Variants in MRM1 observed in about 807,000 individuals in gnomAD.
MRM1 encodes the protein rRNA methyltransferase 1, mitochondrial.
A neutral mutation model predicts 25.0 loss-of-function variants in MRM1; 24 were observed. That is an observed-to-expected ratio of 0.96 (90% CI 0.69 to 1.35). The LOEUF is 1.35. MRM1 is among the 40% of genes most tolerant of loss of function. The probability of loss-of-function intolerance (pLI) is 0.00; values close to 1 mark genes in which losing one functional copy is unlikely to be tolerated. For missense variants in MRM1, 431 were observed against 464.1 expected (o/e 0.93, Z 0.65); for synonymous variants, 188 against 199.2 (o/e 0.94, Z 0.47).
the MRM1 span, among the ~76,000 whole-genome samples, chr17:36,617,536 G>T: frequency 6.6e-6 from 1 of 151,822 alleles, no homozygotes; most frequent in African/African-American, 2.4e-5. Flanking sequence ...GGGATTACAG[G>T]CTCCCACCAC....
At chr17:36,629,262 C>T in the MRM1 span, among the ~76,000 whole-genome samples, 22 of 152,200 alleles carry the variant, frequency 1.4e-4, no homozygotes, top group African/African-American at 5.3e-4. Flanking sequence ...GGACTGCCCT[C>T]GCTGGATTCT....
the MRM1 span, among the ~76,000 whole-genome samples, chr17:36,623,336 C>T: frequency 6.6e-6 from 1 of 152,142 alleles, no homozygotes; most frequent in East Asian, 1.9e-4. Flanking sequence ...ATTAGGGGAG[C>T]GTGTGCAAAC....
downstream of MRM1, among the ~76,000 whole-genome samples, chr17:36,611,176 T>C (rs895853949): frequency 3.9e-5 from 6 of 152,208 alleles, no homozygotes; most frequent in Non-Finnish European, 8.8e-5. Context: ...TCAGTGGCCT[T>C]TGAGCCACTC....
downstream of MRM1, among the ~76,000 whole-genome samples, chr17:36,610,110 T>A (rs564621219): frequency 7.3e-5 from 11 of 151,628 alleles, no homozygotes; most frequent in African/African-American, 2.2e-4. Flanking sequence ...TTTTTTTTGG[T>A]AGAGATGGGG....
rs372015257 is a variant in MRM1, at chr17:36,601,794, C to T, written c.-17C>T. 6.6e-6 allele frequency: 10 copies of T among 1,521,848 alleles called. No homozygotes were observed. The African/African-American group carries it at 6.9e-5, about 10-fold the overall frequency. The allele number at this position is 1,521,848 out of a possible 1,614,324, so 94.3% of individuals were successfully genotyped here. On this transcript the variant is annotated 5_prime_UTR_variant, in exon 1 of 5. Transcript: ENST00000614766. Reference sequence around the variant, plus strand: ...GGACGCAGCAAGGGGCATCGAGTCCCTGGCGGGAGCTGCGCCATGGCATTG... The same window carrying T: ...GGACGCAGCAAGGGGCATCGAGTCCTTGGCGGGAGCTGCGCCATGGCATTG...
chr17:36,601,865 C>T lies in MRM1; in HGVS notation c.55C>T (p.His19Tyr), dbSNP rs768364919. 5 of 1,603,006 alleles carry T rather than the reference C, an allele frequency of 3.1e-6. No homozygotes were observed. The African/African-American group carries it at 5.3e-5, about 17-fold the overall frequency. Residue 19 changes from histidine to tyrosine, a missense_variant, in exon 1 of 5, where the codon CAT becomes TAT. His to Tyr is a moderately conservative substitution (Grantham distance 83). Transcript: ENST00000614766. The stretch of plus-strand genomic sequence containing the variant: ...GACCTGGGGTCGCCTCGTCACCCGT[C>T]ATTTCTCCCATGCAGCGCGGCATGG... ...GATWGRLVTR[H>Y]FSHAARHGER... is the part of the protein sequence containing the mutation.
the MRM1 span, among the ~76,000 whole-genome samples, chr17:36,624,321 CCTGA>C: frequency 1.3e-5 from 2 of 152,204 alleles, no homozygotes; most frequent in Admixed American, 6.5e-5. The surrounding 1 kb of genome is among the most constrained non-coding windows in gnomAD (Gnocchi z 4.0). Context: ...CAGAAGTCCT[CCTGA>C]CTGTCAGCTG....
chr17:36,620,702 G>T, the MRM1 span, among the ~76,000 whole-genome samples: 1 of 152,212 alleles, frequency 6.6e-6, no homozygotes, highest in African/African-American at 2.4e-5. Context: ...TCAGCCAGCA[G>T]GGTGGGATGG....
At chr17:36,629,375 C>T in the MRM1 span, among the ~76,000 whole-genome samples, 2 of 152,286 alleles carry the variant, frequency 1.3e-5, no homozygotes, top group Admixed American at 1.3e-4. Flanking sequence ...CCTTCTGCAC[C>T]CGGCCACCCC....
chr17:36,617,615 C>T, the MRM1 span, among the ~76,000 whole-genome samples: 3 of 152,100 alleles, frequency 2.0e-5, no homozygotes, highest in Admixed American at 6.5e-5. Context: ...AGGCTGGTCT[C>T]GAACTCCTGA....
rs1316697444 is a variant in MRM1, at chr17:36,607,983, CT to C, written c.855del (p.Gly286AspfsTer5). 2 of 1,614,228 alleles carry C rather than the reference CT, an allele frequency of 1.2e-6. No homozygotes were observed. Among genetic ancestry groups the C allele is most frequent in the East Asian group, 4.5e-5 (2 of 44,874 alleles). The part of the protein sequence containing the change: ...LTILPRRQLP[P>X]GLESLNVSVA... Reference sequence around the variant, plus strand: ...ATCCTGCCCCGGCGCCAGCTGCCTCCTGGACTTGAGTCCTTGAACGTCTCTG... The same window carrying C: ...ATCCTGCCCCGGCGCCAGCTGCCTCCGGACTTGAGTCCTTGAACGTCTCTG... On this transcript the variant is annotated frameshift_variant, in exon 4 of 5. Transcript: ENST00000614766. LOFTEE classifies it low-confidence loss of function (END_TRUNC).
At chr17:36,610,961 G>A (rs940034123), downstream of MRM1, among the ~76,000 whole-genome samples, 5 of 152,084 alleles carry the variant, frequency 3.3e-5, no homozygotes, top group African/African-American at 1.2e-4. Flanking sequence ...TTACAGGTAT[G>A]TGCCACCACA....
chr17:36,602,343 G>A lies in MRM1; in HGVS notation c.533G>A (p.Arg178Gln), dbSNP rs779730840. The change falls in exon 1 of 5, where the codon CGG becomes CAG. Residue 178 changes from arginine to glutamine, a missense_variant. By Grantham distance (43) the Arg-to-Gln change is conservative. Coordinates refer to ENST00000614766, the MANE Select transcript of MRM1 (RefSeq NM_024864.5). The surrounding 1 kb of genome is among the most constrained non-coding windows in gnomAD (Gnocchi z 4.1). ...GGAGTGGATAAGGTCATCACCAGCC[G>A]GAGAAACAGGCACGGACGTCCCTCA... ...FLGVDKVITS[R>Q]RNSCPLTPVV... is the part of the protein sequence containing the mutation. 2 of 1,557,684 alleles carry A rather than the reference G, an allele frequency of 1.3e-6. No individual in the cohort carries two copies. Among genetic ancestry groups the A allele is most frequent in the African/African-American group, 1.4e-5 (1 of 73,206 alleles).
the MRM1 span, among the ~76,000 whole-genome samples, chr17:36,626,797 A>G: frequency 6.6e-6 from 1 of 152,224 alleles, no homozygotes; most frequent in South Asian, 2.1e-4. Context: ...CGTGGCCTGT[A>G]AGGGGAAGGG....
chr17:36,604,552 A>G (rs1363404733), intron 2 of MRM1, among the ~76,000 whole-genome samples: 1 of 152,094 alleles, frequency 6.6e-6, no homozygotes, highest in Non-Finnish European at 1.5e-5. Flanking sequence ...CACGCATGTA[A>G]TCCCAGCACT....
the MRM1 span, among the ~76,000 whole-genome samples, chr17:36,617,761 TC>T: frequency 6.6e-6 from 1 of 152,106 alleles, no homozygotes; most frequent in Non-Finnish European, 1.5e-5. Context: ...CCTTTGCCCT[TC>T]CTAGCCTGGG....
At chr17:36,613,524 A>G (rs2074989468), downstream of MRM1, among the ~76,000 whole-genome samples, 1 of 152,142 alleles carries the variant, frequency 6.6e-6, no homozygotes, top group Non-Finnish European at 1.5e-5. Context: ...CCCCAGCCAG[A>G]ACCCCTCTGC....
chr17:36,616,273 G>C, the MRM1 span, among the ~76,000 whole-genome samples: 49 of 152,324 alleles, frequency 3.2e-4, no homozygotes, highest in African/African-American at 1.1e-3. Context: ...GGCTGGAGGG[G>C]CAGATCCCTG....
At chr17:36,620,082 A>G in the MRM1 span, among the ~76,000 whole-genome samples, 2 of 152,202 alleles carry the variant, frequency 1.3e-5, 1 homozygote, top group African/African-American at 4.8e-5. Context: ...AGTTCCTTAT[A>G]TATTCTGAAT....
Sources: gnomAD v4.1 joint callset for allele counts (sites outside exome capture counted in the v4.1 genomes callset) on GRCh38, gnomAD v4.1.1 for gene constraint, Gnocchi (gnomAD v3.1) non-coding constraint, MANE v1.5 for transcripts, NCBI Gene and HGNC (gene_info 2026-07-23, HGNC 2026-07-21) for gene names.